The following SLC8A1 variants were observed in gnomAD, a reference collection of about 807,000 sequenced individuals.
SLC8A1 encodes the protein solute carrier family 8 member A1.
Under a neutral mutation model 68.3 loss-of-function variants are expected in SLC8A1, and 18 were observed. The observed-to-expected ratio is 0.26, with a 90% confidence interval of 0.18 to 0.39. The LOEUF (loss-of-function observed/expected upper bound fraction) is 0.39. Ranked by LOEUF, SLC8A1 falls within the 10% of genes least tolerant of loss-of-function variation. The probability of loss-of-function intolerance (pLI) is 1.00; values close to 1 mark genes in which losing one functional copy is unlikely to be tolerated. For synonymous variants in SLC8A1, 475 were observed against 415.5 expected (o/e 1.14, Z -1.74); for missense variants, 985 against 1,156.7 (o/e 0.85, Z 2.15).
intron 1 of SLC8A1, among the ~76,000 whole-genome samples, chr2:40,467,190 C>T (rs1576623218): frequency 6.6e-6 from 1 of 152,108 alleles, no homozygotes; most frequent in South Asian, 2.1e-4. Flanking sequence ...ATCTGACTCC[C>T]AGAAGGGTTG....
intron 1 of SLC8A1, among the ~76,000 whole-genome samples, chr2:40,478,170 C>G (rs747895101): frequency 6.6e-6 from 1 of 151,940 alleles, no homozygotes; most frequent in African/African-American, 2.4e-5. Context: ...ATGATAAAAC[C>G]CTTGTTCACC....
chr2:40,181,463 T>C (rs923314764), intron 2 of SLC8A1, among the ~76,000 whole-genome samples: 10 of 152,204 alleles, frequency 6.6e-5, no homozygotes, highest in Admixed American at 6.5e-4. Context: ...AAAAGTACTT[T>C]TGTAGGTGCC....
At chr2:40,295,931 G>C (rs1007877669) in intron 2 of SLC8A1, among the ~76,000 whole-genome samples, 26 of 152,162 alleles carry the variant, frequency 1.7e-4, no homozygotes, top group African/African-American at 6.3e-4. Context: ...GAAGGGAAGA[G>C]AGACAGTGTA....
At chr2:40,325,777 C>CAAAAAA (rs3059526) in intron 2 of SLC8A1, among the ~76,000 whole-genome samples, 4 of 45,006 alleles carry the variant, frequency 8.9e-5, no homozygotes, top group Non-Finnish European at 1.3e-4. Flanking sequence ...ACTAAAAATA[C>CAAAAAA]AAAAAAAAAA....
At chr2:40,103,035 G>A (rs927037711) in exon 8 of SLC8A1, 3 of 152,148 alleles carry the variant, frequency 2.0e-5, no homozygotes, top group Non-Finnish European at 2.9e-5. Context: ...TGCAATGTCA[G>A]TAATTTTTGC....
exon 2 of SLC8A1, chr2:40,429,218 T>C: frequency 6.2e-7 from 1 of 1,613,844 alleles, no homozygotes; most frequent in Non-Finnish European, 8.5e-7. Flanking sequence ...TGCTGCTGAC[T>C]TAGGACTTGG....
intron 2 of SLC8A1, among the ~76,000 whole-genome samples, chr2:40,298,159 G>A (rs962901050): frequency 6.6e-6 from 1 of 152,154 alleles, no homozygotes; most frequent in African/African-American, 2.4e-5. Context: ...TGGGATTACA[G>A]GTGTGAGCCA....
chr2:40,261,648 G>T (rs1178488070), intron 2 of SLC8A1, among the ~76,000 whole-genome samples: 1 of 152,200 alleles, frequency 6.6e-6, no homozygotes, highest in African/African-American at 2.4e-5. Context: ...AAGAGCCCAT[G>T]CTACTCTGTA....
intron 2 of SLC8A1, among the ~76,000 whole-genome samples, chr2:40,396,755 A>AAG (rs1687055252): frequency 1.8e-5 from 1 of 55,908 alleles, no homozygotes; most frequent in East Asian, 2.7e-4. Flanking sequence ...AACTAAAAAA[A>AAG]AAAAAAAAAA....
chr2:40,371,011 C>G (rs1212125154), intron 2 of SLC8A1, among the ~76,000 whole-genome samples: 1 of 152,126 alleles, frequency 6.6e-6, no homozygotes, highest in Admixed American at 6.6e-5. Flanking sequence ...TTTTCTGACT[C>G]GGGGTACCTA....
chr2:40,103,496 A>G (rs2034020092), exon 8 of SLC8A1: 1 of 152,214 alleles, frequency 6.6e-6, no homozygotes, highest in African/African-American at 2.4e-5. Flanking sequence ...ACCTTTAAAT[A>G]TCTTTCTGCC....
intron 2 of SLC8A1, among the ~76,000 whole-genome samples, chr2:40,344,385 T>C (rs975266239): frequency 6.6e-6 from 1 of 152,088 alleles, no homozygotes; most frequent in African/African-American, 2.4e-5. Context: ...AGATTTAGCC[T>C]AAACTTTTAA....
intron 1 of SLC8A1, chr2:40,446,541 T>C (rs752508021): frequency 8.5e-5 from 13 of 152,254 alleles, no homozygotes; most frequent in Non-Finnish European, 1.8e-4. Flanking sequence ...CCACGTCCAA[T>C]GTTCTCTTCT....
chr2:40,295,337 A>T (rs534809361), intron 2 of SLC8A1, among the ~76,000 whole-genome samples: 2 of 152,138 alleles, frequency 1.3e-5, no homozygotes, highest in Non-Finnish European at 2.9e-5. Flanking sequence ...TCCTGGGCTC[A>T]ACAGATCCTT....
chr2:40,283,351 T>C (rs1286569564), intron 2 of SLC8A1, among the ~76,000 whole-genome samples: 1 of 152,170 alleles, frequency 6.6e-6, no homozygotes, highest in African/African-American at 2.4e-5. Context: ...GTTCAACAAA[T>C]GGTAAAACAT....
intron 2 of SLC8A1, among the ~76,000 whole-genome samples, chr2:40,209,606 G>T (rs116790726): frequency 6.6e-6 from 1 of 152,092 alleles, no homozygotes; most frequent in Non-Finnish European, 1.5e-5. Context: ...TAGAGATAAG[G>T]GTGCTACCAG....
intron 2 of SLC8A1, among the ~76,000 whole-genome samples, chr2:40,359,457 G>A (rs1474558716): frequency 6.6e-6 from 1 of 152,124 alleles, no homozygotes; most frequent in Non-Finnish European, 1.5e-5. Context: ...AGCGCAATGA[G>A]AAGCATTGGG....
At chr2:40,502,852 G>A (rs2149938020) in intron 1 of SLC8A1, among the ~76,000 whole-genome samples, 1 of 152,014 alleles carries the variant, frequency 6.6e-6, no homozygotes, top group South Asian at 2.1e-4. Flanking sequence ...TCAGAACAAA[G>A]TTCCAACTTA....
chr2:40,345,979 A>T (rs7577478), intron 2 of SLC8A1, among the ~76,000 whole-genome samples: 89,418 of 149,134 alleles, frequency 0.6, 27,872 homozygotes, highest in East Asian at 0.87. Context: ...ACCTGCACAT[A>T]CTGCACGTGT....
Sources: gnomAD v4.1 joint callset for allele counts (sites outside exome capture counted in the v4.1 genomes callset) on GRCh38, gnomAD v4.1.1 for gene constraint, MANE v1.5 for transcripts, NCBI Gene and HGNC (gene_info 2026-07-23, HGNC 2026-07-21) for gene names.